The following STX2 variants were observed in gnomAD, a reference collection of about 807,000 sequenced individuals.
STX2 encodes the protein syntaxin-2.
STX2 carries 27 observed loss-of-function variants against 40.6 expected under a neutral mutation model. That is an observed-to-expected ratio of 0.66 (90% CI 0.49 to 0.92). The LOEUF is 0.92. STX2 is among the 40% of genes least tolerant of loss of function. The probability of loss-of-function intolerance (pLI) is 0.00; values close to 1 mark genes in which losing one functional copy is unlikely to be tolerated. For missense variants in STX2, 328 were observed against 366.1 expected (o/e 0.90, Z 0.85); for synonymous variants, 123 against 119.1 (o/e 1.03, Z -0.22).
chr12:130,833,370 G>A (rs1952644645), intron 1 of STX2, among the ~76,000 whole-genome samples: 1 of 151,224 alleles, frequency 6.6e-6, no homozygotes, highest in Non-Finnish European at 1.5e-5. Flanking sequence ...GAGGGCTGAT[G>A]GTACTACGTG....
At chr12:130,801,773 G>A (rs180743707) in intron 6 of STX2, among the ~76,000 whole-genome samples, 7 of 152,206 alleles carry the variant, frequency 4.6e-5, no homozygotes, top group Admixed American at 6.5e-5. Flanking sequence ...ACAATGTCTC[G>A]GCACACTGGT....
intron 10 of STX2, among the ~76,000 whole-genome samples, chr12:130,793,394 G>A (rs76615114): frequency 6.1e-4 from 93 of 152,244 alleles, no homozygotes; most frequent in Admixed American, 1.8e-3. Context: ...AGAGGGAGGC[G>A]CGCGCCCTCC....
chr12:130,813,186 G>A (rs1951725067), intron 3 of STX2, among the ~76,000 whole-genome samples, 155 bp from the exon 4 acceptor site: 1 of 152,106 alleles, frequency 6.6e-6, no homozygotes, highest in Non-Finnish European at 1.5e-5. Context: ...TGGTTCTCAA[G>A]GTGGGTCCCT....
At chr12:130,818,185 A>AAAAAAAAATATATATATATAT in intron 3 of STX2, among the ~76,000 whole-genome samples, 2 of 70,540 alleles carry the variant, frequency 2.8e-5, no homozygotes, top group Non-Finnish European at 2.3e-5. Context: ...AAAAAAAAAA[A>AAAAAAAAATATATATATATAT]ATATATATAT....
intron 3 of STX2, among the ~76,000 whole-genome samples, chr12:130,816,215 C>T (rs1485668357): frequency 1.3e-5 from 2 of 152,166 alleles, no homozygotes; most frequent in East Asian, 1.9e-4. Context: ...CGACTAGACT[C>T]GGGAGACGGT....
intron 1 of STX2, among the ~76,000 whole-genome samples, chr12:130,829,872 A>T (rs1198125860): frequency 6.6e-6 from 1 of 152,168 alleles, no homozygotes; most frequent in African/African-American, 2.4e-5. Context: ...AGTGAGCTGC[A>T]GACGGCCCTT....
At chr12:130,811,104 T>A (rs1479138494) in intron 4 of STX2, 1 of 152,224 alleles carries the variant, frequency 6.6e-6, no homozygotes. Flanking sequence ...ATGCTTGTAA[T>A]CCCAGCACTT....
At chr12:130,804,675 C>T (rs577948465) in intron 6 of STX2, among the ~76,000 whole-genome samples, 39 of 152,174 alleles carry the variant, frequency 2.6e-4, no homozygotes, top group African/African-American at 8.9e-4. Flanking sequence ...CTTTCTTTGG[C>T]GTCTCAGCTC....
chr12:130,816,930 C>T (rs1417407471), intron 3 of STX2, among the ~76,000 whole-genome samples: 1 of 152,170 alleles, frequency 6.6e-6, no homozygotes, highest in African/African-American at 2.4e-5. Context: ...AAGCCTCAGT[C>T]TAAATCATCT....
intron 1 of STX2, among the ~76,000 whole-genome samples, chr12:130,837,938 T>C (rs1952800039): frequency 6.6e-6 from 1 of 152,226 alleles, no homozygotes; most frequent in African/African-American, 2.4e-5. Context: ...GATGAAATCA[T>C]TGCCTTTCTC....
intron 1 of STX2, among the ~76,000 whole-genome samples, chr12:130,838,522 C>T (rs1194388159): frequency 1.3e-5 from 2 of 152,168 alleles, no homozygotes; most frequent in Admixed American, 1.3e-4. Flanking sequence ...AAGCACCCAG[C>T]ACTCTAAGGT....
chr12:130,804,620 C>G (rs370781892), intron 6 of STX2, among the ~76,000 whole-genome samples: 1 of 152,132 alleles, frequency 6.6e-6, no homozygotes, highest in Non-Finnish European at 1.5e-5. Flanking sequence ...TCTGTTCGTA[C>G]GTCCCTAGCC....
rs1951104148 is a variant in STX2, at chr12:130,798,515, C to T, written c.786+10G>A. On this transcript the variant is annotated intron_variant, in intron 9 of 10. Coordinates refer to ENST00000392373, the MANE Select transcript of STX2 (RefSeq NM_194356.4). ...AAAAACGCAGCTTAATTCTTCGAAG[C>T]CAAACTCACCCTTCTTGCCTTGCTC... The T allele has an allele frequency of 6.3e-7, 1 of 1,581,474 alleles. No homozygotes were observed. Among genetic ancestry groups the T allele is most frequent in the African/African-American group, 1.4e-5 (1 of 72,678 alleles).
At chr12:130,830,240 A>G (rs1952506235) in intron 1 of STX2, among the ~76,000 whole-genome samples, 1 of 152,186 alleles carries the variant, frequency 6.6e-6, no homozygotes, top group South Asian at 2.1e-4. Context: ...GCTCCAGGAA[A>G]GAGGCTGCAC....
At chr12:130,818,185 A>AAATATATATATATAT in intron 3 of STX2, among the ~76,000 whole-genome samples, 35 of 70,526 alleles carry the variant, frequency 5.0e-4, no homozygotes, top group Non-Finnish European at 5.0e-4. Context: ...AAAAAAAAAA[A>AAATATATATATATAT]ATATATATAT....
At chr12:130,802,655 C>T (rs527710422) in intron 6 of STX2, among the ~76,000 whole-genome samples, 1 of 152,214 alleles carries the variant, frequency 6.6e-6, no homozygotes, top group South Asian at 2.1e-4. Context: ...ACACCCATGC[C>T]TGGTTTATTT....
In STX2 at chr12:130,798,653, C is replaced by A; in HGVS notation, c.676-18G>T. On this transcript the variant is annotated intron_variant, in intron 8 of 10. Transcript: ENST00000392373. ...ATTTCACCCTTAAAACAAAAAGTTT[C>A]AAACTTAGAAGACATTTTCAAATGG... 7 of 1,567,352 alleles carry A rather than the reference C, an allele frequency of 4.5e-6. No individual in the cohort carries two copies. The highest frequency in any genetic ancestry group is 6.0e-6 in the Non-Finnish European group (7 of 1,160,692).
chr12:130,808,646 C>A lies in STX2; in HGVS notation c.339G>T (p.Arg113=). ...ESGNRTSVDL[R]IRRTQHSVLS... Reference sequence around the variant, plus strand: ...GATAGCAAACCTGGGTTCTTCGTATCCGAAGATCCACTGAAGTCCGGTTCC... The same window carrying A: ...GATAGCAAACCTGGGTTCTTCGTATACGAAGATCCACTGAAGTCCGGTTCC... The change falls in exon 5 of 11, where the codon CGG becomes CGT. Residue 113 remains arginine (R), a synonymous_variant. Transcript: ENST00000392373. 1 of 1,613,472 alleles carries A rather than the reference C, an allele frequency of 6.2e-7. No homozygotes were observed. The highest frequency in any genetic ancestry group is 1.1e-5 in the South Asian group (1 of 90,826).
intron 4 of STX2, among the ~76,000 whole-genome samples, chr12:130,811,836 G>A (rs1438165170): frequency 6.6e-6 from 1 of 152,074 alleles, no homozygotes; most frequent in Non-Finnish European, 1.5e-5. Flanking sequence ...CACCGTGCCA[G>A]GCCACCATTA....
Sources: gnomAD v4.1 joint callset for allele counts (sites outside exome capture counted in the v4.1 genomes callset) on GRCh38, gnomAD v4.1.1 for gene constraint, MANE v1.5 for transcripts, NCBI Gene and HGNC (gene_info 2026-07-23, HGNC 2026-07-21) for gene names.